The following FAM184B variants were observed in gnomAD, a reference collection of about 807,000 sequenced individuals.
The protein encoded by FAM184B is family with sequence similarity 184 member B.
Under a neutral mutation model 135.9 loss-of-function variants are expected in FAM184B, and 111 were observed. The ratio of observed to expected loss-of-function variants is 0.82; its 90% CI spans 0.70 to 0.96. The LOEUF (loss-of-function observed/expected upper bound fraction) is 0.96, where lower values mean the gene tolerates loss of function less well. Ranked by LOEUF, FAM184B falls within the 40% of genes least tolerant of loss-of-function variation. The pLI is 0.00. For missense variants in FAM184B, 1,375 were observed against 1,323.9 expected, an observed-to-expected ratio of 1.04 and a Z score of -0.60; for synonymous variants, 552 against 524.8, an observed-to-expected ratio of 1.05 and a Z score of -0.71.
chr4:17,642,750 A>G (rs551299842), intron 12 of FAM184B, among the ~76,000 whole-genome samples: 1 of 152,122 alleles, frequency 6.6e-6, no homozygotes, highest in East Asian at 1.9e-4. Context: ...CATCTTTCCA[A>G]CCCTGTAGCA....
intron 7 of FAM184B, among the ~76,000 whole-genome samples, chr4:17,665,521 G>A (rs1394393182): frequency 6.6e-6 from 1 of 152,148 alleles, no homozygotes; most frequent in Non-Finnish European, 1.5e-5. Context: ...GTATGGCCTT[G>A]AGCCAGCTTC....
intron 12 of FAM184B, among the ~76,000 whole-genome samples, chr4:17,643,955 A>G (rs1008864100): frequency 3.9e-5 from 6 of 152,220 alleles, no homozygotes; most frequent in Non-Finnish European, 8.8e-5. Flanking sequence ...TAGATCCTAG[A>G]GCCAGCTGAG....
Position 17,647,744 on chromosome 4 carries a change from G to T in FAM184B, c.2239C>A (p.His747Asn). ...LSEQQAACSG[H>N]QKDLEALQAE... Reference sequence around the variant, plus strand: ...TGCAGTGCCTCCAAGTCCTTCTGGTGCCCAGAACAGGCAGCTTGCTGCTCC... The same window carrying T: ...TGCAGTGCCTCCAAGTCCTTCTGGTTCCCAGAACAGGCAGCTTGCTGCTCC... The change falls in exon 12 of 18, where the codon CAC becomes AAC. Residue 747 changes from histidine (H) to asparagine (N), a missense_variant. Transcript: ENST00000265018. 6.4e-7 allele frequency: 1 copy of T among 1,550,914 alleles called. No homozygotes were observed. Among genetic ancestry groups the T allele is most frequent in the Non-Finnish European group, 8.7e-7 (1 of 1,146,992 alleles).
intron 1 of FAM184B, among the ~76,000 whole-genome samples, chr4:17,722,444 G>A (rs1717551102): frequency 6.6e-6 from 1 of 152,210 alleles, no homozygotes; most frequent in Admixed American, 6.5e-5. Context: ...GCTTGGAATG[G>A]ATTTCTAGAT....
intron 1 of FAM184B, among the ~76,000 whole-genome samples, chr4:17,754,522 G>T: frequency 6.8e-6 from 1 of 146,466 alleles, no homozygotes; most frequent in East Asian, 2.0e-4. Flanking sequence ...TTGCACTCCA[G>T]CCTGGGCAAC....
intron 8 of FAM184B, among the ~76,000 whole-genome samples, chr4:17,662,836 A>G (rs1715950436): frequency 6.6e-6 from 1 of 152,216 alleles, no homozygotes. Flanking sequence ...TAGCCATTCC[A>G]GTGGGTGGGA....
At chr4:17,746,745 AG>A (rs201124920) in intron 1 of FAM184B, among the ~76,000 whole-genome samples, 44 of 147,706 alleles carry the variant, frequency 3.0e-4, no homozygotes, top group African/African-American at 1.1e-3. Context: ...AAAAAAAAAA[AG>A]TAGATTCCTG....
intron 5 of FAM184B, among the ~76,000 whole-genome samples, chr4:17,699,454 C>T (rs1483256259): frequency 1.3e-5 from 2 of 151,750 alleles, no homozygotes; most frequent in East Asian, 1.9e-4. Context: ...TGAAAGCAGC[C>T]GATAAGAAGA....
At position 17,636,612 on chromosome 4, in the gene FAM184B, T is replaced by C; in HGVS notation, c.2700A>G (p.Gly900=). Residue 900 remains glycine (G), a synonymous_variant, in exon 15 of 18, where the codon GGA becomes GGG. Coordinates refer to ENST00000265018, the MANE Select transcript of FAM184B (RefSeq NM_015688.2). ...GCTGAAGGTCCTCGGGCCTGGACGC[T>C]CCCTTCCCTGGCTTCTCTCCGGAAT... ...LKDSGEKPGK[G]ASRPEDLQLI... 1 of 1,550,572 alleles carries C rather than the reference T, an allele frequency of 6.4e-7. No individual in the cohort carries two copies. The highest frequency in any genetic ancestry group is 8.7e-7 in the Non-Finnish European group (1 of 1,146,850).
At chr4:17,751,823 G>GCA (rs3222789) in intron 1 of FAM184B, among the ~76,000 whole-genome samples, 3,238 of 115,858 alleles carry the variant, frequency 0.028, 83 homozygotes, top group African/African-American at 0.046. Context: ...TAAAAACAAG[G>GCA]CACACACACA....
At chr4:17,678,893 T>C (rs972431005) in intron 7 of FAM184B, among the ~76,000 whole-genome samples, 3 of 152,120 alleles carry the variant, frequency 2.0e-5, no homozygotes, top group Non-Finnish European at 4.4e-5. Context: ...CAACTGATCT[T>C]TGACAAAGCA....
chr4:17,752,885 T>C (rs965987127), intron 1 of FAM184B, among the ~76,000 whole-genome samples: 1 of 152,224 alleles, frequency 6.6e-6, no homozygotes. Flanking sequence ...ACAGATGTCT[T>C]TTCCAATTGG....
intron 7 of FAM184B, among the ~76,000 whole-genome samples, chr4:17,668,419 A>T (rs1716100885): frequency 6.6e-6 from 1 of 152,168 alleles, no homozygotes; most frequent in Non-Finnish European, 1.5e-5. Context: ...GGCCCTATTC[A>T]ACTGTTACTT....
In FAM184B at chr4:17,639,418, C is replaced by A. The variant is rs536602442; in HGVS notation, c.2520-22G>T. On this transcript the variant is annotated intron_variant, in intron 13 of 17. Coordinates refer to ENST00000265018, the MANE Select transcript of FAM184B (RefSeq NM_015688.2). ...GAACCTGTGGTGGATGAAAGCACAG[C>A]CAGGCTTGCCCAGCTCCAGGGATGG... 2.0e-5 allele frequency: 31 copies of A among 1,549,912 alleles called. No homozygotes were observed. In the East Asian group the frequency reaches 6.8e-4, roughly 34 times the overall value.
At chr4:17,678,949 AT>A (rs1438418447) in intron 7 of FAM184B, among the ~76,000 whole-genome samples, 4 of 152,222 alleles carry the variant, frequency 2.6e-5, no homozygotes, top group African/African-American at 9.6e-5. Flanking sequence ...TATTCAACAA[AT>A]GGTGCTGGGA....
chr4:17,637,513 G>A (rs900466641), intron 14 of FAM184B, among the ~76,000 whole-genome samples: 3 of 152,158 alleles, frequency 2.0e-5, no homozygotes, highest in Non-Finnish European at 4.4e-5. Context: ...TCACCTGTGT[G>A]TGGGCCCCAG....
chr4:17,648,602 C>T (rs1457081743), intron 11 of FAM184B, among the ~76,000 whole-genome samples: 1 of 152,014 alleles, frequency 6.6e-6, no homozygotes, highest in African/African-American at 2.4e-5. Context: ...GATCCACCCA[C>T]ATTAGCCTCC....
At chr4:17,712,887 T>A (rs1413677820) in intron 1 of FAM184B, among the ~76,000 whole-genome samples, 1 of 152,202 alleles carries the variant, frequency 6.6e-6, no homozygotes, top group Non-Finnish European at 1.5e-5. Context: ...TCTGTGCATG[T>A]GTGCATTCAT....
intron 6 of FAM184B, among the ~76,000 whole-genome samples, chr4:17,692,600 A>G (rs4698651): frequency 0.6 from 90,701 of 151,998 alleles, 27,666 homozygotes; most frequent in East Asian, 0.87. Flanking sequence ...TGTTTTGCGC[A>G]TGGCCTTTGT....
Sources: gnomAD v4.1 joint callset for allele counts (sites outside exome capture counted in the v4.1 genomes callset) on GRCh38, gnomAD v4.1.1 for gene constraint, MANE v1.5 for transcripts, NCBI Gene and HGNC (gene_info 2026-07-23, HGNC 2026-07-21) for gene names.